SKAP2: variants seen among roughly 807,000 people sequenced by gnomAD.
SKAP2 encodes the protein src kinase-associated phosphoprotein 2.
SKAP2 carries 28 observed loss-of-function variants against 54.9 expected under a neutral mutation model. That is an observed-to-expected ratio of 0.51 (90% CI 0.38 to 0.70). The LOEUF (loss-of-function observed/expected upper bound fraction) is 0.70, where lower values mean the gene tolerates loss of function less well. SKAP2 is among the 30% of genes least tolerant of loss of function. The pLI is 0.00. For synonymous variants in SKAP2, 137 were observed against 134.3 expected (o/e 1.02, Z -0.14); for missense variants, 356 against 424.1 (o/e 0.84, Z 1.41).
intron 4 of SKAP2, among the ~76,000 whole-genome samples, chr7:26,798,990 A>G (rs930363109): frequency 2.6e-5 from 4 of 151,582 alleles, no homozygotes; most frequent in African/African-American, 9.7e-5. Flanking sequence ...GGAAGACAAG[A>G]AAGGAAACAA....
chr7:26,738,649 G>C, intron 6 of SKAP2, 146 bp downstream of exon 6: 1 of 557,854 alleles, frequency 1.8e-6, no homozygotes, highest in Non-Finnish European at 3.2e-6. Context: ...ATAATGAAAT[G>C]AATCATAAAT....
intron 10 of SKAP2, among the ~76,000 whole-genome samples, chr7:26,686,892 C>T (rs920066630): frequency 6.6e-6 from 1 of 152,054 alleles, no homozygotes; most frequent in Non-Finnish European, 1.5e-5. Flanking sequence ...CTTTAGTCTG[C>T]GTTCCCCATG....
chr7:26,846,861 A>G (rs1324807507), intron 3 of SKAP2, among the ~76,000 whole-genome samples: 1 of 152,046 alleles, frequency 6.6e-6, no homozygotes, highest in Non-Finnish European at 1.5e-5. Context: ...GGCACCTGTA[A>G]TCCCAGCTAC....
At chr7:26,830,897 T>C (rs1467411542) in intron 4 of SKAP2, among the ~76,000 whole-genome samples, 1 of 150,712 alleles carries the variant, frequency 6.6e-6, no homozygotes, top group Non-Finnish European at 1.5e-5. Context: ...AGGGCATTTA[T>C]TTGCTACTAA....
intron 4 of SKAP2, among the ~76,000 whole-genome samples, chr7:26,803,359 T>C (rs1355135721): frequency 6.6e-6 from 1 of 152,148 alleles, no homozygotes; most frequent in Non-Finnish European, 1.5e-5. Context: ...GGCAGACATA[T>C]GACAAGGTGC....
At chr7:26,717,862 T>G (rs1290807063) in intron 9 of SKAP2, among the ~76,000 whole-genome samples, 6 of 151,264 alleles carry the variant, frequency 4.0e-5, no homozygotes, top group African/African-American at 1.5e-4. Context: ...AATAATTAAA[T>G]TTTTAAAAAA....
chr7:26,785,568 C>T (rs899317707), intron 4 of SKAP2, among the ~76,000 whole-genome samples: 6 of 152,156 alleles, frequency 3.9e-5, no homozygotes, highest in African/African-American at 1.4e-4. Context: ...TGGAGGCCCA[C>T]AGAGCATATG....
At chr7:26,722,860 G>T (rs1276773495) in intron 9 of SKAP2, among the ~76,000 whole-genome samples, 1 of 152,134 alleles carries the variant, frequency 6.6e-6, no homozygotes, top group Non-Finnish European at 1.5e-5. Context: ...CATAATAAAT[G>T]CTTAGATTTC....
At chr7:26,778,685 G>C (rs920803314) in intron 4 of SKAP2, among the ~76,000 whole-genome samples, 3 of 151,630 alleles carry the variant, frequency 2.0e-5, no homozygotes, top group African/African-American at 7.3e-5. Flanking sequence ...TGGGAAAGCA[G>C]GTAACACCTT....
chr7:26,655,638 T>A, the SKAP2 span, among the ~76,000 whole-genome samples: 1 of 152,216 alleles, frequency 6.6e-6, no homozygotes, highest in Admixed American at 6.5e-5. Flanking sequence ...TGTGGTTATA[T>A]CAATCTATTT....
intron 4 of SKAP2, among the ~76,000 whole-genome samples, chr7:26,833,004 C>T (rs1032952746): frequency 6.6e-6 from 1 of 152,118 alleles, no homozygotes; most frequent in African/African-American, 2.4e-5. Context: ...TCTAAGCAAG[C>T]GAACTAGCTC....
chr7:26,838,793 T>C (rs370316052), intron 4 of SKAP2, among the ~76,000 whole-genome samples: 113 of 152,298 alleles, frequency 7.4e-4, no homozygotes, highest in Admixed American at 2.0e-3. Context: ...ACTAAATCAA[T>C]TGAATATTGT....
chr7:26,858,704 C>T (rs1785223693), intron 1 of SKAP2, among the ~76,000 whole-genome samples: 7 of 152,128 alleles, frequency 4.6e-5, no homozygotes, highest in Admixed American at 4.6e-4. Flanking sequence ...CACACACTAA[C>T]TGCTTTCTGC....
chr7:26,669,877 T>C (rs984259917), intron 12 of SKAP2, among the ~76,000 whole-genome samples: 38 of 152,130 alleles, frequency 2.5e-4, no homozygotes, highest in African/African-American at 8.9e-4. Context: ...CTCTAAATAA[T>C]CTATTCATTT....
chr7:26,767,290 T>C (rs774887033), intron 4 of SKAP2, among the ~76,000 whole-genome samples: 4 of 152,234 alleles, frequency 2.6e-5, no homozygotes, highest in Non-Finnish European at 5.9e-5. Flanking sequence ...CAGTAGTCTG[T>C]ATTTCTGTGG....
At chr7:26,737,637 C>T (rs114012268) in intron 6 of SKAP2, among the ~76,000 whole-genome samples, 1,792 of 152,268 alleles carry the variant, frequency 0.012, 32 homozygotes, top group African/African-American at 0.04. Context: ...TTCAGTGATA[C>T]TTTTGCCTTT....
At chr7:26,722,997 T>C (rs760014641) in intron 9 of SKAP2, among the ~76,000 whole-genome samples, 1 of 152,186 alleles carries the variant, frequency 6.6e-6, no homozygotes, top group Non-Finnish European at 1.5e-5. Flanking sequence ...CAGTCAGATA[T>C]CAGAGATACA....
At chr7:26,715,857 T>C (rs909000929) in intron 9 of SKAP2, among the ~76,000 whole-genome samples, 1 of 152,224 alleles carries the variant, frequency 6.6e-6, no homozygotes, top group Non-Finnish European at 1.5e-5. Flanking sequence ...GTATTTCATA[T>C]GGAAAACTAC....
intron 4 of SKAP2, among the ~76,000 whole-genome samples, chr7:26,808,095 A>G (rs1268155487): frequency 6.6e-6 from 1 of 152,208 alleles, no homozygotes; most frequent in Non-Finnish European, 1.5e-5. Context: ...TAATAAAATA[A>G]TACACAGGTT....
Sources: allele counts gnomAD v4.1 joint callset (sites outside exome capture counted in the v4.1 genomes callset), GRCh38; gene constraint gnomAD v4.1.1; transcripts MANE v1.5; gene names NCBI Gene and HGNC (gene_info 2026-07-23, HGNC 2026-07-21).